Variants in GRM7 observed in about 807,000 individuals in gnomAD.
GRM7 encodes the protein glutamate metabotropic receptor 7.
GRM7 carries 35 observed loss-of-function variants against 84.5 expected under a neutral mutation model. That is an observed-to-expected ratio of 0.41 (90% CI 0.32 to 0.55). GRM7 has a LOEUF of 0.55. GRM7 is among the 20% of genes least tolerant of loss of function. The pLI, the probability that GRM7 is intolerant of heterozygous loss-of-function variation, is 0.19. For missense variants in GRM7, 1,003 were observed against 1,194.6 expected, an observed-to-expected ratio of 0.84 and a Z score of 2.36; for synonymous variants, 487 against 455.1, an observed-to-expected ratio of 1.07 and a Z score of -0.89.
intron 2 of GRM7, among the ~76,000 whole-genome samples, chr3:7,230,710 G>T (rs539276179): frequency 6.6e-6 from 1 of 152,150 alleles, no homozygotes. Flanking sequence ...TGTGAGGAGC[G>T]TTTGTGAATT....
chr3:7,317,567 A>G (rs1368400182), intron 4 of GRM7, among the ~76,000 whole-genome samples: 2 of 152,096 alleles, frequency 1.3e-5, no homozygotes, highest in Non-Finnish European at 2.9e-5. Flanking sequence ...ATTGCTAAGA[A>G]TAGAGAAAAC....
intron 4 of GRM7, among the ~76,000 whole-genome samples, chr3:7,318,996 A>G (rs1021853735): frequency 6.6e-6 from 1 of 152,096 alleles, no homozygotes; most frequent in Non-Finnish European, 1.5e-5. Flanking sequence ...GAGTGGTCCA[A>G]CTTGTGAGTT....
chr3:6,934,191 T>C (rs1433365045), intron 1 of GRM7, among the ~76,000 whole-genome samples: 1 of 152,206 alleles, frequency 6.6e-6, no homozygotes, highest in Non-Finnish European at 1.5e-5. Flanking sequence ...TTGAAGGCCT[T>C]GAAACTTTCA....
At chr3:7,653,146 T>TTCTA (rs1310153209) in intron 8 of GRM7, among the ~76,000 whole-genome samples, 46 of 151,622 alleles carry the variant, frequency 3.0e-4, no homozygotes, top group African/African-American at 1.1e-3. Context: ...TTGTGTTATA[T>TTCTA]TCTATAGCAC....
chr3:7,150,905 C>G (rs1694266783), intron 2 of GRM7, among the ~76,000 whole-genome samples: 1 of 152,184 alleles, frequency 6.6e-6, no homozygotes, highest in African/African-American at 2.4e-5. Flanking sequence ...ATGACTCTTA[C>G]AGTCCATCAG....
chr3:7,265,005 GA>G (rs1575099087), intron 2 of GRM7, among the ~76,000 whole-genome samples: 2 of 152,340 alleles, frequency 1.3e-5, no homozygotes, highest in East Asian at 3.9e-4. Context: ...CCAGTTGGTA[GA>G]AGAACAGATA....
At chr3:7,406,434 A>G (rs561005849) in intron 4 of GRM7, among the ~76,000 whole-genome samples, 1 of 151,748 alleles carries the variant, frequency 6.6e-6, no homozygotes, top group Non-Finnish European at 1.5e-5. Context: ...CGGGGGACGG[A>G]GCTTGCAGTG....
intron 7 of GRM7, among the ~76,000 whole-genome samples, chr3:7,574,959 G>T (rs1269789013): frequency 6.6e-6 from 1 of 152,050 alleles, no homozygotes. Flanking sequence ...CTTTTTTTAA[G>T]TTAACAATGG....
intron 1 of GRM7, among the ~76,000 whole-genome samples, chr3:7,110,287 G>T (rs1692798826): frequency 6.6e-6 from 1 of 151,898 alleles, no homozygotes; most frequent in South Asian, 2.1e-4. Flanking sequence ...TTCCTTATAG[G>T]AAACTATAAT....
In GRM7 at chr3:7,420,223, C is replaced by G. The variant is rs143447848; in HGVS notation, c.1174+5060C>G. 9.7e-4 allele frequency among the ~76,000 whole-genome samples: 147 copies of G among 152,240 alleles called. 1 individual carries two copies. Among genetic ancestry groups the G allele is most frequent in the African/African-American group, 3.4e-3 (140 of 41,550 alleles). ...AGACTGTCAAGACAAAGGAATTACG[C>G]TTAAAGTCAAGTGCTCAGAATATAT... On this transcript the variant is annotated intron_variant, in intron 5 of 9. Coordinates refer to ENST00000357716, the MANE Select transcript of GRM7 (RefSeq NM_000844.4).
chr3:7,346,387 A>T (rs1326650711), intron 4 of GRM7, among the ~76,000 whole-genome samples: 1 of 152,186 alleles, frequency 6.6e-6, no homozygotes, highest in Non-Finnish European at 1.5e-5. Flanking sequence ...CAGCCTGCTT[A>T]CAAAGCTGAT....
chr3:7,685,819 G>A (rs1700562992), intron 9 of GRM7, among the ~76,000 whole-genome samples: 1 of 151,412 alleles, frequency 6.6e-6, no homozygotes. Flanking sequence ...AAAGAATTCA[G>A]ACTGCTGGAA....
chr3:7,546,848 A>G (rs890363903), intron 7 of GRM7, among the ~76,000 whole-genome samples: 1 of 152,226 alleles, frequency 6.6e-6, no homozygotes. Flanking sequence ...ATAATTTGTA[A>G]TTGGTCCATT....
At chr3:6,894,860 T>C (rs1696117065) in intron 1 of GRM7, among the ~76,000 whole-genome samples, 1 of 152,182 alleles carries the variant, frequency 6.6e-6, no homozygotes. Flanking sequence ...TTCCAGTGCC[T>C]GGAAGGTATT....
intron 1 of GRM7, among the ~76,000 whole-genome samples, chr3:6,869,606 G>C (rs1695051065): frequency 3.1e-5 from 2 of 64,026 alleles, no homozygotes; most frequent in Non-Finnish European, 6.8e-5. Flanking sequence ...TATCTATGGA[G>C]ACAGAGAGAG....
intron 1 of GRM7, among the ~76,000 whole-genome samples, chr3:7,029,264 A>G (rs890289376): frequency 6.8e-6 from 1 of 147,642 alleles, no homozygotes; most frequent in African/African-American, 2.6e-5. Flanking sequence ...GGATCACGCC[A>G]TTGCACTCTA....
intron 8 of GRM7, among the ~76,000 whole-genome samples, chr3:7,665,276 A>G (rs895469672): frequency 6.9e-6 from 1 of 144,174 alleles, no homozygotes; most frequent in African/African-American, 2.6e-5. Context: ...GGTTCACGCC[A>G]TTCTCCTGCC....
intron 1 of GRM7, among the ~76,000 whole-genome samples, chr3:7,010,539 A>G (rs1695335068): frequency 6.6e-6 from 1 of 152,228 alleles, no homozygotes; most frequent in Admixed American, 6.5e-5. Context: ...GTGATCAGAC[A>G]TTGCCTGGGG....
chr3:7,443,597 A>C (rs1697382767), intron 5 of GRM7, among the ~76,000 whole-genome samples: 2 of 151,904 alleles, frequency 1.3e-5, no homozygotes, highest in South Asian at 4.1e-4. Context: ...CATTTTCTTT[A>C]TTTTCTGCAT....
Sources: gnomAD v4.1 joint callset for allele counts (sites outside exome capture counted in the v4.1 genomes callset) on GRCh38, gnomAD v4.1.1 for gene constraint, MANE v1.5 for transcripts, NCBI Gene and HGNC (gene_info 2026-07-23, HGNC 2026-07-21) for gene names.